The following SF3B1 variants were observed in gnomAD, a reference collection of about 807,000 sequenced individuals.
The protein encoded by SF3B1 is splicing factor 3b subunit 1.
In SF3B1, 12 loss-of-function variants were observed where a neutral mutation model predicts 153.8. The observed-to-expected ratio is 0.08, with a 90% CI of 0.05 to 0.13. The LOEUF is 0.13. Among genes scored for constraint, SF3B1 ranks in the 10% least tolerant of loss-of-function variants. The pLI is 1.00. For synonymous variants in SF3B1, 498 were observed against 525.2 expected (o/e 0.95, Z 0.71); for missense variants, 513 against 1,606.1 (o/e 0.32, Z 11.63).
intron 1 of SF3B1, among the ~76,000 whole-genome samples, chr2:197,432,868 AAAAAAAT>A (rs2085462735): frequency 6.6e-6 from 1 of 152,214 alleles, no homozygotes; most frequent in African/African-American, 2.4e-5. Context: ...CCTATCTCAA[AAAAAAAT>A]AAAAAATAAA....
At chr2:197,409,184 G>T (rs1340324020) in intron 7 of SF3B1, among the ~76,000 whole-genome samples, 3 of 152,180 alleles carry the variant, frequency 2.0e-5, no homozygotes, top group Non-Finnish European at 2.9e-5. Flanking sequence ...CAGATCATCT[G>T]AGGTCGGGAG....
intron 1 of SF3B1, among the ~76,000 whole-genome samples, chr2:197,430,004 G>A (rs2085402208): frequency 6.6e-6 from 1 of 152,060 alleles, no homozygotes; most frequent in Admixed American, 6.6e-5. Flanking sequence ...CAGGACAAAG[G>A]TTCTGCAACA....
In SF3B1 at chr2:197,392,496, T is replaced by C. The variant is rs769992581; in HGVS notation, c.3757-35A>G. 1.7e-5 allele frequency: 16 copies of C among 924,918 alleles called. No individual in the cohort carries two copies. The East Asian group carries it at 5.3e-4, about 31-fold the overall frequency. The allele number at this position is 924,918 out of a possible 1,614,324, so 57.3% of individuals were successfully genotyped here. On this transcript the variant is annotated intron_variant, in intron 24 of 24. Transcript: ENST00000335508. ...TTGAACGGTTACATTATTTCAATTT[T>C]TAAGAACATACATAACCTTAACAAA...
At chr2:197,392,571 G>GGA (rs1553563308) in intron 24 of SF3B1, 110 bp from the exon 25 acceptor site, 3 of 159,856 alleles carry the variant, frequency 1.9e-5, no homozygotes, top group Non-Finnish European at 3.0e-5. Context: ...TTGGGGAGTT[G>GGA]GGGGGGGGGG....
At position 197,390,152 on chromosome 2, in the gene SF3B1, G is replaced by A. The variant is rs771416041; in HGVS notation, c.*2151C>T. 1 of 152,150 alleles carries A rather than the reference G, an allele frequency of 6.6e-6. No homozygotes were observed. Among genetic ancestry groups the A allele is most frequent in the Non-Finnish European group, 1.5e-5 (1 of 68,028 alleles). 9.4% of individuals were successfully genotyped at this position (152,150 alleles called of 1,614,324 possible). A position where few individuals can be genotyped will look rare whatever the true frequency, so the allele number is the denominator to read the frequency against. ...TTTGGTCCCAATGTTTTAGGTCATAGCTTTCACTACTTCCCTCCTCTCTAT... is the reference window on the plus strand; with the variant it reads ...TTTGGTCCCAATGTTTTAGGTCATAACTTTCACTACTTCCCTCCTCTCTAT... On this transcript the variant is annotated 3_prime_UTR_variant, in exon 25 of 25. Coordinates refer to ENST00000335508, the MANE Select transcript of SF3B1 (RefSeq NM_012433.4).
chr2:197,407,103 C>G (rs2085003365), intron 9 of SF3B1, among the ~76,000 whole-genome samples: 1 of 151,852 alleles, frequency 6.6e-6, no homozygotes, highest in Non-Finnish European at 1.5e-5. Flanking sequence ...CAAAACAAAA[C>G]AACAAAAAAC....
At chr2:197,424,856 A>T (rs1352169756) in intron 1 of SF3B1, among the ~76,000 whole-genome samples, 1 of 152,238 alleles carries the variant, frequency 6.6e-6, no homozygotes, top group Non-Finnish European at 1.5e-5. Context: ...GACACCAGGC[A>T]CTTTTAAAAA....
chr2:197,413,676 T>C (rs1182870653), intron 6 of SF3B1, among the ~76,000 whole-genome samples: 2 of 152,160 alleles, frequency 1.3e-5, no homozygotes, highest in Non-Finnish European at 2.9e-5. Context: ...GCAGAGATCA[T>C]GAAAAGTGGC....
intron 2 of SF3B1, 110 bp downstream of exon 2, chr2:197,423,698 G>T: frequency 9.7e-7 from 1 of 1,033,362 alleles, no homozygotes; most frequent in Non-Finnish European, 1.4e-6. Context: ...TCCTCTAAAA[G>T]ATCCCAAAAA....
intron 7 of SF3B1, among the ~76,000 whole-genome samples, chr2:197,409,228 C>T (rs2085033371): frequency 6.6e-6 from 1 of 152,010 alleles, no homozygotes; most frequent in African/African-American, 2.4e-5. Flanking sequence ...AGAGAAACCC[C>T]GTCTCTACTA....
chr2:197,435,043 C>A, upstream of SF3B1: 1 of 1,614,092 alleles, frequency 6.2e-7, no homozygotes, highest in Non-Finnish European at 8.5e-7. Flanking sequence ...CTCCCAAGAA[C>A]TTCCGCTCGT....
chr2:197,433,454 A>G (rs566120081), intron 1 of SF3B1, among the ~76,000 whole-genome samples: 11 of 152,362 alleles, frequency 7.2e-5, no homozygotes, highest in African/African-American at 2.2e-4. Context: ...CCCCAAATGA[A>G]TAACATCCTG....
intron 24 of SF3B1, 100 bp downstream of exon 24, chr2:197,392,872 C>T (rs571769194): frequency 1.4e-6 from 1 of 699,136 alleles, no homozygotes; most frequent in African/African-American, 1.8e-5. Context: ...CACATATATA[C>T]CTATGTAACA....
intron 2 of SF3B1, 146 bp downstream of exon 2, chr2:197,423,662 T>TA (rs1208052783): frequency 8.5e-6 from 6 of 707,578 alleles, no homozygotes; most frequent in Admixed American, 3.0e-5. Flanking sequence ...TTCTGAACCT[T>TA]AGAGAGGATA....
chr2:197,415,892 G>A (rs529559096), intron 6 of SF3B1, among the ~76,000 whole-genome samples: 11 of 151,780 alleles, frequency 7.2e-5, no homozygotes, highest in African/African-American at 2.2e-4. Flanking sequence ...CTCTACCTCC[G>A]GGGATCAAGG....
At chr2:197,399,335 C>A (rs2084912782) in intron 20 of SF3B1, among the ~76,000 whole-genome samples, 1 of 152,158 alleles carries the variant, frequency 6.6e-6, no homozygotes, top group Non-Finnish European at 1.5e-5. Context: ...GGCTCTCTCA[C>A]AGTCAGCTAT....
intron 7 of SF3B1, among the ~76,000 whole-genome samples, chr2:197,409,074 G>A (rs1349522435): frequency 1.3e-5 from 2 of 152,146 alleles, no homozygotes; most frequent in Non-Finnish European, 2.9e-5. Flanking sequence ...GCTGGGCAAT[G>A]AAGCAAGACA....
chr2:197,408,610 C>T (rs771023128), intron 7 of SF3B1, 29 bp from the exon 8 acceptor site: 1 of 1,326,306 alleles, frequency 7.5e-7, no homozygotes, highest in Non-Finnish European at 1.1e-6. Context: ...AGTAAAACCA[C>T]AATTTTAATC....
chr2:197,394,045 A>G (rs2084846350), intron 23 of SF3B1, among the ~76,000 whole-genome samples: 1 of 152,014 alleles, frequency 6.6e-6, no homozygotes, highest in African/African-American at 2.4e-5. Context: ...TTAGTAGGGC[A>G]TTTTGGCACA....
Sources: allele counts gnomAD v4.1 joint callset (sites outside exome capture counted in the v4.1 genomes callset), GRCh38; gene constraint gnomAD v4.1.1; transcripts MANE v1.5; gene names NCBI Gene and HGNC (gene_info 2026-07-23, HGNC 2026-07-21).